The following TRIM62 variants were observed in gnomAD, a reference collection of about 807,000 sequenced individuals.
TRIM62 encodes the protein tripartite motif containing 62.
A neutral mutation model predicts 44.2 loss-of-function variants in TRIM62; 39 were observed. That is an observed-to-expected ratio of 0.88 (90% CI 0.68 to 1.15). The LOEUF is 1.15. TRIM62 is among the 50% of genes most tolerant of loss of function. The pLI, the probability that TRIM62 is intolerant of heterozygous loss-of-function variation, is 0.00. For missense variants in TRIM62, 544 were observed against 665.5 expected, an observed-to-expected ratio of 0.82 and a Z score of 2.01; for synonymous variants, 278 against 292.3, an observed-to-expected ratio of 0.95 and a Z score of 0.50.
In TRIM62 at chr1:33,159,692, C is replaced by T. The variant is rs763679461; in HGVS notation, c.757G>A (p.Glu253Lys). Residue 253 changes from glutamate (E) to lysine (K), a missense_variant, in exon 3 of 5, where the codon GAG (glutamate) becomes AAG (lysine). Glu to Lys is a moderately conservative substitution (Grantham distance 56, BLOSUM62 1). Transcript: ENST00000291416. This position sits in a 1 kb window ranked among gnomAD's most constrained non-coding sequence, Gnocchi z 4.2. ...TFLAGVASLS[E>K]RLKGKIHETN... ...GCCCCGGCGGGTGGCACTTACCGCTCGGACAGTGAGGCCACCCCAGCCAGG... is the reference window on the plus strand; with the variant it reads ...GCCCCGGCGGGTGGCACTTACCGCTTGGACAGTGAGGCCACCCCAGCCAGG... 2.5e-5 allele frequency: 40 copies of T among 1,606,534 alleles called. No individual in the cohort carries two copies. Among genetic ancestry groups the T allele is most frequent in the East Asian group, 4.5e-5 (2 of 44,806 alleles).
chr1:33,173,763 A>G (rs1645392961), intron 1 of TRIM62, among the ~76,000 whole-genome samples: 1 of 151,684 alleles, frequency 6.6e-6, no homozygotes, highest in South Asian at 2.1e-4. Flanking sequence ...CAGTGGTGCA[A>G]TCATAGCTCA....
intron 4 of TRIM62, 61 bp downstream of exon 4, chr1:33,158,192 G>C: frequency 6.7e-7 from 1 of 1,490,310 alleles, no homozygotes; most frequent in African/African-American, 1.4e-5. Context: ...TTAGGACAGG[G>C]GGCTGGGCTG....
In TRIM62 at chr1:33,159,674, C is replaced by T. The variant is rs35622844; in HGVS notation, c.761+14G>A. The T allele has an allele frequency of 0.038, 61,208 of 1,594,072 alleles. 1,408 individuals carry two copies. Among genetic ancestry groups the T allele is most frequent in the Non-Finnish European group, 0.046 (53,348 of 1,170,228 alleles). On this transcript the variant is annotated intron_variant, in intron 3 of 4. Coordinates refer to ENST00000291416, the MANE Select transcript of TRIM62 (RefSeq NM_018207.3). This position sits in a 1 kb window ranked among gnomAD's most constrained non-coding sequence, Gnocchi z 4.2. ...GATGGTCAGCCGGGGAGGGCCCCGG[C>T]GGGTGGCACTTACCGCTCGGACAGT...
intron 1 of TRIM62, among the ~76,000 whole-genome samples, chr1:33,175,812 T>C (rs1380101327): frequency 6.6e-6 from 1 of 152,206 alleles, no homozygotes; most frequent in Non-Finnish European, 1.5e-5. Context: ...TGGCACACAG[T>C]AAGTGCCCCA....
intron 2 of TRIM62, chr1:33,162,895 A>C (rs1188243747): frequency 6.6e-6 from 1 of 152,262 alleles, no homozygotes; most frequent in Non-Finnish European, 1.5e-5. Flanking sequence ...TAAGCTCCCA[A>C]GTTGCCATTT....
chr1:33,181,040 G>A lies in TRIM62; in HGVS notation c.393C>T (p.Ala131=). 1 of 1,591,918 alleles carries A rather than the reference G, an allele frequency of 6.3e-7. No homozygotes were observed. Among genetic ancestry groups the A allele is most frequent in the Non-Finnish European group, 8.5e-7 (1 of 1,176,432 alleles). The change falls in exon 1 of 5, where the codon GCC becomes GCT. Residue 131 remains alanine (A), a synonymous_variant. Transcript: ENST00000291416. This position sits in a 1 kb window ranked among gnomAD's most constrained non-coding sequence, Gnocchi z 6.5. ...EQHQVTGIDD[A]FDELQRELKD... The stretch of plus-strand genomic sequence containing the variant: ...GGTAGCGCACCTGCAGCTCGTCGAA[G>A]GCGTCGTCGATGCCGGTGACCTGAT...
chr1:33,158,605 G>T (rs909701016), intron 3 of TRIM62, among the ~76,000 whole-genome samples: 4 of 152,174 alleles, frequency 2.6e-5, no homozygotes, highest in Admixed American at 6.5e-5. Context: ...CTTTTTGTGA[G>T]AATTACATGG....
chr1:33,148,995 C>T (rs1260553965), intron 4 of TRIM62, among the ~76,000 whole-genome samples: 1 of 152,172 alleles, frequency 6.6e-6, no homozygotes, highest in African/African-American at 2.4e-5. Context: ...CACTTAGGTC[C>T]AAAGCCTCTG....
chr1:33,160,517 G>A (rs751673350), intron 2 of TRIM62, among the ~76,000 whole-genome samples: 57 of 152,066 alleles, frequency 3.7e-4, no homozygotes, highest in Admixed American at 2.4e-3. Context: ...CGATTCTCCA[G>A]CCTCAGCCTC....
rs796739449 is a variant in TRIM62 at position 33,177,093 on chromosome 1, GCA to G, written c.408+3930_408+3931del. 8.2e-4 allele frequency among the ~76,000 whole-genome samples: 122 copies of G among 149,046 alleles called. No individual in the cohort carries two copies. Among genetic ancestry groups the G allele is most frequent in the African/African-American group, 1.4e-3 (57 of 40,384 alleles). On this transcript the variant is annotated intron_variant, in intron 1 of 4. Coordinates refer to ENST00000291416, the MANE Select transcript of TRIM62 (RefSeq NM_018207.3). The surrounding 1 kb of genome is among the most constrained non-coding windows in gnomAD (Gnocchi z 4.1). ...CACACACACACATGCATGCACAAATGCACACACATGCACACACACATGCATGT... is the reference window on the plus strand; with the variant it reads ...CACACACACACATGCATGCACAAATGCACACATGCACACACACATGCATGT...
chr1:33,159,210 A>C lies in TRIM62; in HGVS notation c.761+478T>G, dbSNP rs544658799. On this transcript the variant is annotated intron_variant, in intron 3 of 4. Transcript: ENST00000291416. The surrounding 1 kb of genome is among the most constrained non-coding windows in gnomAD (Gnocchi z 4.2). ...GGTAACTACTTTCAAAGGGACTGAGAGGGTTACAGTAATATAAAGCCTTTA... is the reference window on the plus strand; with the variant it reads ...GGTAACTACTTTCAAAGGGACTGAGCGGGTTACAGTAATATAAAGCCTTTA... Among the ~76,000 whole-genome samples, 3 of 152,228 alleles carry C rather than the reference A, an allele frequency of 2.0e-5. No homozygotes were observed. The highest frequency in any genetic ancestry group is 3.4e-3 in the Middle Eastern group (1 of 294).
rs1645323122 is a variant in TRIM62 at position 33,165,837 on chromosome 1, C to T, written c.409-271G>A. 3.3e-6 allele frequency: 1 copy of T among 301,934 alleles called. No individual in the cohort carries two copies. 18.7% of individuals were successfully genotyped at this position (301,934 alleles called of 1,614,324 possible). A position where few individuals can be genotyped will look rare whatever the true frequency, so the allele number is the denominator to read the frequency against. ...TTCTGTGACAATCGACTTCCACATACACACTCTCTGGCTCCCCACACTTGG... is the reference window on the plus strand; with the variant it reads ...TTCTGTGACAATCGACTTCCACATATACACTCTCTGGCTCCCCACACTTGG... On this transcript the variant is annotated intron_variant, in intron 1 of 4. Transcript: ENST00000291416. This position sits in a 1 kb window ranked among gnomAD's most constrained non-coding sequence, Gnocchi z 4.0.
At chr1:33,174,974 CAT>C (rs1557762482) in intron 1 of TRIM62, among the ~76,000 whole-genome samples, 2 of 128,722 alleles carry the variant, frequency 1.6e-5, no homozygotes, top group African/African-American at 6.6e-5. Context: ...TATATACACA[CAT>C]ATACATATAT....
rs34764898 is a variant in TRIM62, at chr1:33,177,051, GCACA to G, written c.408+3970_408+3973del. Among the ~76,000 whole-genome samples the G allele has an allele frequency of 2.3e-4, 3 of 12,856 alleles. No homozygotes were observed. The highest frequency in any genetic ancestry group is 5.1e-4 in the Admixed American group (1 of 1,962). 8.4% of individuals were successfully genotyped at this position (12,856 alleles called of 152,430 possible). ...CACACATACACATGCACACACACAC[GCACA>G]CACACACACATGCACACACACACAT... On this transcript the variant is annotated intron_variant, in intron 1 of 4. Coordinates refer to ENST00000291416, the MANE Select transcript of TRIM62 (RefSeq NM_018207.3). The surrounding 1 kb of genome is among the most constrained non-coding windows in gnomAD (Gnocchi z 4.1).
At chr1:33,153,219 G>T (rs1368062895) in intron 4 of TRIM62, among the ~76,000 whole-genome samples, 3 of 152,162 alleles carry the variant, frequency 2.0e-5, no homozygotes, top group African/African-American at 7.2e-5. Context: ...AAGGGCTTTG[G>T]TGCTGGCAGA....
rs1645044317 is a variant in TRIM62 at position 33,147,988 on chromosome 1, G to A, written c.878-261C>T. 1.3e-5 allele frequency among the ~76,000 whole-genome samples: 2 copies of A among 152,314 alleles called. No homozygotes were observed. Among genetic ancestry groups the A allele is most frequent in the South Asian group, 2.1e-4 (1 of 4,828 alleles). On this transcript the variant is annotated intron_variant, in intron 4 of 4. Coordinates refer to ENST00000291416, the MANE Select transcript of TRIM62 (RefSeq NM_018207.3). This position sits in a 1 kb window ranked among gnomAD's most constrained non-coding sequence, Gnocchi z 8.1. ...TTGTTCACTGCCTGATGCCCAGGGC[G>A]GAGCACATAGTGGGCACTGGCAAAT...
chr1:33,145,665 G>GAA lies in TRIM62; in HGVS notation c.*1510_*1511dup, dbSNP rs1183084267. 3.2e-6 allele frequency: 1 copy of GAA among 312,734 alleles called. No individual in the cohort carries two copies. Among genetic ancestry groups the GAA allele is most frequent in the African/African-American group, 2.2e-5 (1 of 45,394 alleles). 19.4% of individuals were successfully genotyped at this position (312,734 alleles called of 1,614,324 possible). On this transcript the variant is annotated 3_prime_UTR_variant, in exon 5 of 5. Coordinates refer to ENST00000291416, the MANE Select transcript of TRIM62 (RefSeq NM_018207.3). Reference sequence around the variant, plus strand: ...AGAATCTAGGCCCCAGGACTAGAAAGAAAAGTCAAGGCCGGGGAGACATTT... The same window carrying GAA: ...AGAATCTAGGCCCCAGGACTAGAAAGAAAAAAGTCAAGGCCGGGGAGACATTT...
intron 2 of TRIM62, 118 bp from the exon 3 acceptor site, chr1:33,160,062 G>A (rs920869450): frequency 2.9e-5 from 38 of 1,315,560 alleles, no homozygotes; most frequent in Admixed American, 6.9e-5. Context: ...AAGGGCACGC[G>A]TGGTGGGGGA....
chr1:33,155,283 G>T (rs1473703822), intron 4 of TRIM62, among the ~76,000 whole-genome samples: 1 of 151,892 alleles, frequency 6.6e-6, no homozygotes, highest in East Asian at 2.0e-4. Context: ...TGTTGGCCAG[G>T]CTGGTCTCGA....
Sources: gnomAD v4.1 joint callset for allele counts (sites outside exome capture counted in the v4.1 genomes callset) on GRCh38, gnomAD v4.1.1 for gene constraint, Gnocchi (gnomAD v3.1) non-coding constraint, MANE v1.5 for transcripts, NCBI Gene and HGNC (gene_info 2026-07-23, HGNC 2026-07-21) for gene names.